Variants in ASAP2 observed in about 807,000 individuals in gnomAD.
ASAP2 encodes the protein arf-GAP with SH3 domain, ANK repeat and PH domain-containing protein 2.
ASAP2 carries 45 observed loss-of-function variants against 131.4 expected under a neutral mutation model. The ratio of observed to expected loss-of-function variants is 0.34; its 90% CI spans 0.27 to 0.44. ASAP2 has a LOEUF of 0.44. Among genes scored for constraint, ASAP2 ranks in the 20% least tolerant of loss-of-function variants. The pLI, the probability that ASAP2 is intolerant of heterozygous loss-of-function variation, is 1.00. For synonymous variants in ASAP2, 510 were observed against 503.0 expected (o/e 1.01, Z -0.19); for missense variants, 1,011 against 1,297.0 (o/e 0.78, Z 3.39).
intron 1 of ASAP2, among the ~76,000 whole-genome samples, chr2:9,226,401 C>T (rs764898770): frequency 2.6e-5 from 4 of 152,228 alleles, no homozygotes; most frequent in African/African-American, 7.2e-5. Flanking sequence ...ATGCAGAACT[C>T]GGCATGGGTC....
At chr2:9,344,356 C>T (rs932198234) in intron 9 of ASAP2, among the ~76,000 whole-genome samples, 176 bp from the exon 10 acceptor site, 1 of 152,150 alleles carries the variant, frequency 6.6e-6, no homozygotes, top group East Asian at 1.9e-4. Flanking sequence ...TGGCATTTAT[C>T]AGTTCCTAGA....
chr2:9,382,263 C>A (rs188313052), intron 20 of ASAP2, among the ~76,000 whole-genome samples: 1,788 of 152,278 alleles, frequency 0.012, 25 homozygotes, highest in Non-Finnish European at 0.018. Context: ...GGATTATAGG[C>A]GTGAGCCACC....
At chr2:9,283,853 A>G (rs566401906) in intron 2 of ASAP2, among the ~76,000 whole-genome samples, 1 of 152,220 alleles carries the variant, frequency 6.6e-6, no homozygotes, top group African/African-American at 2.4e-5. Context: ...TAAGGACCCT[A>G]ATGCCATCAG....
Position 9,321,534 on chromosome 2 carries a change from A to C in ASAP2, c.470+1197A>C, listed in dbSNP as rs1453344733. ...AGGGACCAGCGGATTCCTGCTTTGC[A>C]GAGGGAAAACCAAGAGTCAGTGGTT... On this transcript the variant is annotated intron_variant, in intron 5 of 27. Coordinates refer to ENST00000281419, the MANE Select transcript of ASAP2 (RefSeq NM_003887.3). Among the ~76,000 whole-genome samples the C allele has an allele frequency of 2.0e-5, 3 of 152,124 alleles. No individual in the cohort carries two copies. In the East Asian group the frequency reaches 5.8e-4, roughly 29 times the overall value.
intron 3 of ASAP2, among the ~76,000 whole-genome samples, chr2:9,313,597 T>TA (rs1487090326): frequency 6.6e-6 from 1 of 152,236 alleles, no homozygotes; most frequent in Non-Finnish European, 1.5e-5. Flanking sequence ...ATCCTCCCTG[T>TA]AGGCTGCCTT....
intron 16 of ASAP2, 73 bp from the exon 17 acceptor site, chr2:9,374,682 C>G: frequency 7.0e-7 from 1 of 1,420,200 alleles, no homozygotes; most frequent in Non-Finnish European, 9.6e-7. Flanking sequence ...GTTAACATGG[C>G]CTTAGACAAA....
intron 7 of ASAP2, among the ~76,000 whole-genome samples, chr2:9,328,525 A>G (rs1670620054): frequency 6.6e-6 from 1 of 152,262 alleles, no homozygotes; most frequent in Non-Finnish European, 1.5e-5. Context: ...TTTTAAAATA[A>G]GAAAACACTT....
Position 9,395,303 on chromosome 2 carries a change from C to T in ASAP2, c.2684+1656C>T, listed in dbSNP as rs982291934. On this transcript the variant is annotated intron_variant, in intron 24 of 27. Coordinates refer to ENST00000281419, the MANE Select transcript of ASAP2 (RefSeq NM_003887.3). ...GCCTGGCCAACATGGCAAAACCCCA[C>T]CTCTACTAAAAATACAAAAAAATTA... Among the ~76,000 whole-genome samples the T allele has an allele frequency of 3.3e-5, 5 of 151,998 alleles. No individual in the cohort carries two copies. In the East Asian group the frequency reaches 9.7e-4, roughly 29 times the overall value.
intron 1 of ASAP2, among the ~76,000 whole-genome samples, chr2:9,240,913 CTAGGTGACT>C (rs1263934794): frequency 6.6e-6 from 1 of 152,226 alleles, no homozygotes; most frequent in Admixed American, 6.5e-5. Flanking sequence ...TAGGCAGCTA[CTAGGTGACT>C]CATGGGCAGG....
At chr2:9,384,724 G>C (rs780186528) in intron 20 of ASAP2, among the ~76,000 whole-genome samples, 3 of 152,238 alleles carry the variant, frequency 2.0e-5, no homozygotes, top group African/African-American at 4.8e-5. Flanking sequence ...TGCCCTCCCT[G>C]GGTGCCACCC....
intron 1 of ASAP2, among the ~76,000 whole-genome samples, chr2:9,276,156 A>G (rs1418644758): frequency 6.6e-6 from 1 of 152,222 alleles, no homozygotes; most frequent in Non-Finnish European, 1.5e-5. Flanking sequence ...TGTCAGTAAT[A>G]CCTTGCAGGT....
intron 7 of ASAP2, among the ~76,000 whole-genome samples, chr2:9,330,241 G>T (rs978763702): frequency 6.6e-6 from 1 of 152,190 alleles, no homozygotes; most frequent in Admixed American, 6.5e-5. Context: ...TTAAAAAAAA[G>T]AAGAGTGAAA....
chr2:9,285,665 A>G (rs1206552382), intron 2 of ASAP2, among the ~76,000 whole-genome samples: 1 of 152,232 alleles, frequency 6.6e-6, no homozygotes, highest in African/African-American at 2.4e-5. Context: ...CAGGAAGTTG[A>G]AGCTAACATT....
intron 20 of ASAP2, among the ~76,000 whole-genome samples, chr2:9,383,276 A>T (rs78448775): frequency 0.032 from 4,913 of 151,990 alleles, 229 homozygotes; most frequent in African/African-American, 0.1. Context: ...CAATTTTTTT[A>T]AAAAAAGACA....
intron 15 of ASAP2, among the ~76,000 whole-genome samples, chr2:9,359,357 C>G (rs1672941575): frequency 6.6e-6 from 1 of 152,268 alleles, no homozygotes; most frequent in Non-Finnish European, 1.5e-5. Context: ...TTCATTTTTA[C>G]TGCCTTTGTT....
In ASAP2 at chr2:9,388,337, A is replaced by T; in HGVS notation, c.2174A>T (p.Gln725Leu). Residue 725 changes from glutamine (Q) to leucine (L), a missense_variant, in exon 22 of 28, where the codon CAG becomes CTG. Physicochemically the swap from Gln to Leu is moderately radical, Grantham distance 113. Coordinates refer to ENST00000281419, the MANE Select transcript of ASAP2 (RefSeq NM_003887.3). The part of the protein sequence containing the change: ...RREDRPISFY[Q>L]LGSNQLQSNA... ...GAAGACCGGCCCATCAGCTTCTACC[A>T]GCTGGGCTCCAACCAGCTTCAGTCT... 6.2e-7 allele frequency: 1 copy of T among 1,614,094 alleles called. No individual in the cohort carries two copies. The highest frequency in any genetic ancestry group is 8.5e-7 in the Non-Finnish European group (1 of 1,180,004).
At chr2:9,289,571 C>G (rs17627209) in intron 2 of ASAP2, among the ~76,000 whole-genome samples, 29,715 of 152,134 alleles carry the variant, frequency 0.2, 3,384 homozygotes, top group Non-Finnish European at 0.27. Context: ...GTAGCCCAGT[C>G]TCCACTCTTC....
chr2:9,264,059 G>C (rs1665765232), intron 1 of ASAP2, among the ~76,000 whole-genome samples: 1 of 151,944 alleles, frequency 6.6e-6, no homozygotes. Context: ...AGGTATGGTG[G>C]TATGCACCTG....
intron 6 of ASAP2, 112 bp from the exon 7 acceptor site, chr2:9,327,714 C>G: frequency 1.4e-6 from 1 of 716,416 alleles, no homozygotes; most frequent in East Asian, 3.0e-5. Context: ...ATGCACTCTA[C>G]GCATTGTAAA....
Sources: allele counts gnomAD v4.1 joint callset (sites outside exome capture counted in the v4.1 genomes callset), GRCh38; gene constraint gnomAD v4.1.1; transcripts MANE v1.5; gene names NCBI Gene and HGNC (gene_info 2026-07-23, HGNC 2026-07-21).